Variants in SLC12A9 observed in about 807,000 individuals in gnomAD.
SLC12A9 encodes CCC-interacting protein 1.
In SLC12A9, 55 loss-of-function variants were observed where a neutral mutation model predicts 66.0. The observed-to-expected ratio is 0.83, with a 90% CI of 0.67 to 1.04. SLC12A9 has a LOEUF of 1.04. SLC12A9 is among the 50% of genes least tolerant of loss of function. The pLI is 0.00. For synonymous variants in SLC12A9, 577 were observed against 569.0 expected, an observed-to-expected ratio of 1.01 and a Z score of -0.20; for missense variants, 1,061 against 1,241.9, an observed-to-expected ratio of 0.85 and a Z score of 2.19.
At position 100,861,651 on chromosome 7, in the gene SLC12A9, G is replaced by A; in HGVS notation, c.1536+67G>A. 6.2e-7 allele frequency: 1 copy of A among 1,608,106 alleles called. No individual in the cohort carries two copies. Among genetic ancestry groups the A allele is most frequent in the Non-Finnish European group, 8.5e-7 (1 of 1,175,214 alleles). ...CAAAGAACCCCCTCTCTCTTTGGCTGGAGTTGGTGCTCCCGTCCAGGAGGC... is the reference window on the plus strand; with the variant it reads ...CAAAGAACCCCCTCTCTCTTTGGCTAGAGTTGGTGCTCCCGTCCAGGAGGC... On this transcript the variant is annotated intron_variant, in intron 11 of 13. Coordinates refer to ENST00000354161, the MANE Select transcript of SLC12A9 (RefSeq NM_020246.4). The surrounding 1 kb of genome is among the most constrained non-coding windows in gnomAD (Gnocchi z 5.3).
upstream of SLC12A9, among the ~76,000 whole-genome samples, chr7:100,852,143 C>T (rs1814108376): frequency 6.6e-6 from 1 of 152,266 alleles, no homozygotes; most frequent in African/African-American, 2.4e-5. Context: ...TGCAGGGAGG[C>T]AAGAAAGCGG....
At chr7:100,848,908 AAAAG>A (rs141258756), upstream of SLC12A9, among the ~76,000 whole-genome samples, 65,182 of 149,534 alleles carry the variant, frequency 0.44, 14,545 homozygotes, top group Non-Finnish European at 0.48. Context: ...AGAAAGAAAG[AAAAG>A]AAAGAAAGAA....
intron 1 of SLC12A9, among the ~76,000 whole-genome samples, chr7:100,843,415 G>A (rs1813828807): frequency 6.6e-6 from 1 of 152,192 alleles, no homozygotes; most frequent in Non-Finnish European, 1.5e-5. Flanking sequence ...ACAACCAACA[G>A]CAATGAGCTT....
chr7:100,827,076 C>G, intron 1 of SLC12A9: 1 of 1,545,886 alleles, frequency 6.5e-7, no homozygotes, highest in Non-Finnish European at 8.8e-7. Context: ...TTGGGGGGCC[C>G]TCGCCCCCCC....
chr7:100,851,224 G>C (rs781547371), upstream of SLC12A9, among the ~76,000 whole-genome samples: 1 of 152,052 alleles, frequency 6.6e-6, no homozygotes, highest in Non-Finnish European at 1.5e-5. Flanking sequence ...TTTAACAAGA[G>C]TCAGATTTTT....
chr7:100,848,083 CAAAAAAA>C (rs36071720), upstream of SLC12A9, among the ~76,000 whole-genome samples: 6 of 43,922 alleles, frequency 1.4e-4, no homozygotes, highest in Non-Finnish European at 1.7e-4. Context: ...GACTCCATCT[CAAAAAAA>C]AAAAAAAAAA....
Position 100,861,963 on chromosome 7 carries a change from C to CA in SLC12A9, c.1711+52_1711+53insA. 19 of 1,270,306 alleles carry CA rather than the reference C, an allele frequency of 1.5e-5. No homozygotes were observed. The highest frequency in any genetic ancestry group is 1.9e-5 in the Non-Finnish European group (18 of 946,172). 78.7% of individuals were successfully genotyped at this position (1,270,306 alleles called of 1,614,324 possible). A position where few individuals can be genotyped will look rare whatever the true frequency, so the allele number is the denominator to read the frequency against. On this transcript the variant is annotated intron_variant, in intron 12 of 13. Coordinates refer to ENST00000354161, the MANE Select transcript of SLC12A9 (RefSeq NM_020246.4). The surrounding 1 kb of genome is among the most constrained non-coding windows in gnomAD (Gnocchi z 5.3). ...CACTCCCATCCTTCTCTCCCCCTAC[C>CA]TTTTTTTTTTTTTTGAGATGGAGCT...
chr7:100,862,600 A>T (rs1206610914), intron 12 of SLC12A9, 81 bp from the exon 13 acceptor site: 1 of 1,544,798 alleles, frequency 6.5e-7, no homozygotes, highest in Non-Finnish European at 8.9e-7. Flanking sequence ...AGCCCTGCCC[A>T]GGCCCGTCTG....
intron 13 of SLC12A9, among the ~76,000 whole-genome samples, chr7:100,863,464 A>G (rs964005443): frequency 2.6e-5 from 4 of 152,162 alleles, no homozygotes; most frequent in African/African-American, 9.6e-5. Flanking sequence ...CAGCTGCCTC[A>G]TCAAATCAGA....
Position 100,866,004 on chromosome 7 carries a change from C to G in SLC12A9, c.2144C>G (p.Ser715Cys), listed in dbSNP as rs772271785. The G allele has an allele frequency of 5.6e-6, 9 of 1,612,496 alleles. No homozygotes were observed. Among genetic ancestry groups the G allele is most frequent in the Non-Finnish European group, 7.6e-6 (9 of 1,179,696 alleles). ...CCCCCTGAGCGGCTGAGCCGGGGGT[C>G]TGGGGGCACCTCTCAGCTGCACCAT... is the stretch of plus-strand genomic sequence containing the variant. Reference protein sequence around the residue: ...ALPPERLSRGSGGTSQLHHVD... With the variant: ...ALPPERLSRGCGGTSQLHHVD... Residue 715 changes from serine to cysteine, a missense_variant, in exon 14 of 14, where the codon TCT becomes TGT. Ser to Cys is a moderately radical substitution (Grantham distance 112, BLOSUM62 -1). Coordinates refer to ENST00000354161, the MANE Select transcript of SLC12A9 (RefSeq NM_020246.4). This position sits in a 1 kb window ranked among gnomAD's most constrained non-coding sequence, Gnocchi z 7.3.
At chr7:100,848,874 A>T (rs1428220935), upstream of SLC12A9, among the ~76,000 whole-genome samples, 1 of 151,620 alleles carries the variant, frequency 6.6e-6, no homozygotes, top group Non-Finnish European at 1.5e-5. Flanking sequence ...TGACAGAGCT[A>T]GACTCCATCT....
chr7:100,848,252 C>T (rs1366051894), upstream of SLC12A9, among the ~76,000 whole-genome samples: 2 of 151,784 alleles, frequency 1.3e-5, no homozygotes, highest in African/African-American at 4.8e-5. Flanking sequence ...TGTCTGTAAT[C>T]CCAGCATTTT....
intron 9 of SLC12A9, chr7:100,860,488 G>T: frequency 3.8e-6 from 2 of 523,646 alleles, no homozygotes; most frequent in Non-Finnish European, 6.8e-6. Flanking sequence ...ATTGTGCAGG[G>T]TTCACTGACA....
Position 100,866,014 on chromosome 7 carries a change from C to G in SLC12A9, c.2154C>G (p.Thr718=), listed in dbSNP as rs1169209114. 1 of 1,612,682 alleles carries G rather than the reference C, an allele frequency of 6.2e-7. No homozygotes were observed. The highest frequency in any genetic ancestry group is 8.5e-7 in the Non-Finnish European group (1 of 1,179,754). Residue 718 remains threonine, a synonymous_variant, in exon 14 of 14, where the codon ACC becomes ACG. Transcript: ENST00000354161. This position sits in a 1 kb window ranked among gnomAD's most constrained non-coding sequence, Gnocchi z 7.3. ...PERLSRGSGG[T]SQLHHVDVWP... The stretch of plus-strand genomic sequence containing the variant: ...GGCTGAGCCGGGGGTCTGGGGGCAC[C>G]TCTCAGCTGCACCATGTGGACGTGT...
At position 100,860,230 on chromosome 7, in the gene SLC12A9, C is replaced by T. The variant is rs1040802119; in HGVS notation, c.1216C>T (p.Gln406Ter). Reference protein sequence around the residue: ...AAVLYSWGLVQLVLLAGKLNT... With the variant: ...AAVLYSWGLV ...TGTACTTTATTCTTGGGGCCTGGTG[C>T]AGGTGAGCCTTCTTCTTCAAGGGGC... The change falls in exon 9 of 14, where the codon CAG (glutamine) becomes TAG (stop). Residue 406 changes from glutamine to a stop codon, truncating the protein, a stop_gained and splice_region_variant. Transcript: ENST00000354161. LOFTEE classifies it high-confidence loss of function. The T allele has an allele frequency of 1.2e-6, 2 of 1,613,720 alleles. No homozygotes were observed. The highest frequency in any genetic ancestry group is 1.7e-6 in the Non-Finnish European group (2 of 1,179,820).
chr7:100,858,631 T>G (rs1415883239), intron 5 of SLC12A9: 5 of 565,836 alleles, frequency 8.8e-6, no homozygotes, highest in Non-Finnish European at 1.6e-5. Flanking sequence ...GATTAGGGTC[T>G]GGAGGGAGGA....
chr7:100,860,961 T>C (rs1814711333), intron 9 of SLC12A9, 177 bp from the exon 10 acceptor site: 3 of 1,125,698 alleles, frequency 2.7e-6, no homozygotes, highest in South Asian at 2.6e-5. Context: ...TGGGGTTTAA[T>C]AGCATTTTGG....
intron 1 of SLC12A9, among the ~76,000 whole-genome samples, chr7:100,838,171 G>A (rs1010327493): frequency 8.6e-5 from 13 of 150,998 alleles, no homozygotes; most frequent in Non-Finnish European, 1.8e-4. Flanking sequence ...ATTTCAAGTT[G>A]TAAAATTTTT....
At chr7:100,846,403 A>G (rs1813916222) in intron 1 of SLC12A9, among the ~76,000 whole-genome samples, 1 of 151,982 alleles carries the variant, frequency 6.6e-6, no homozygotes, top group Non-Finnish European at 1.5e-5. Context: ...TGTCTCTACT[A>G]AAAATACAAA....
Sources: gnomAD v4.1 joint callset for allele counts (sites outside exome capture counted in the v4.1 genomes callset) on GRCh38, gnomAD v4.1.1 for gene constraint, Gnocchi (gnomAD v3.1) non-coding constraint, MANE v1.5 for transcripts, NCBI Gene and HGNC (gene_info 2026-07-23, HGNC 2026-07-21) for gene names.